CDK14: variants seen among roughly 807,000 people sequenced by gnomAD.
CDK14 encodes cyclin dependent kinase 14, also known as cyclin-dependent kinase 14.
CDK14 carries 34 observed loss-of-function variants against 60.7 expected under a neutral mutation model. The observed-to-expected ratio is 0.56, with a 90% CI of 0.43 to 0.75. The LOEUF (loss-of-function observed/expected upper bound fraction) is 0.75. Among genes scored for constraint, CDK14 ranks in the 30% least tolerant of loss-of-function variants. The pLI is 0.00. For missense variants in CDK14, 482 were observed against 564.1 expected, an observed-to-expected ratio of 0.85 and a Z score of 1.47; for synonymous variants, 197 against 203.7, an observed-to-expected ratio of 0.97 and a Z score of 0.28.
chr7:91,047,186 T>C (rs1325129378), intron 11 of CDK14, among the ~76,000 whole-genome samples: 3 of 152,202 alleles, frequency 2.0e-5, no homozygotes, highest in African/African-American at 7.2e-5. Flanking sequence ...TTGTGGGCTC[T>C]TAAAGAAGGT....
chr7:91,123,884 A>G (rs532796449), intron 14 of CDK14, among the ~76,000 whole-genome samples: 3 of 152,270 alleles, frequency 2.0e-5, no homozygotes, highest in Admixed American at 6.5e-5. Context: ...TTCAGAATGC[A>G]TTCTTAAAGC....
At chr7:91,043,760 A>C (rs1797157211) in intron 10 of CDK14, among the ~76,000 whole-genome samples, 1 of 152,108 alleles carries the variant, frequency 6.6e-6, no homozygotes, top group Non-Finnish European at 1.5e-5. Flanking sequence ...ACCAAGTATG[A>C]GTCTTAAAAG....
chr7:91,063,265 A>G (rs947697863), intron 11 of CDK14, among the ~76,000 whole-genome samples: 3 of 152,230 alleles, frequency 2.0e-5, no homozygotes, highest in African/African-American at 4.8e-5. Flanking sequence ...CTATGGAATA[A>G]TAACTCTTAT....
At chr7:90,976,950 G>T (rs1183128275) in intron 9 of CDK14, among the ~76,000 whole-genome samples, 1 of 152,054 alleles carries the variant, frequency 6.6e-6, no homozygotes, top group African/African-American at 2.4e-5. Flanking sequence ...CTTTTGGTTT[G>T]ATATAATCCC....
intron 2 of CDK14, among the ~76,000 whole-genome samples, chr7:90,666,824 T>C (rs2116519056): frequency 6.6e-6 from 1 of 152,356 alleles, no homozygotes; most frequent in Admixed American, 6.5e-5. Context: ...AAGCCATTGC[T>C]GTCCTGATTG....
At chr7:90,946,882 T>C (rs902884381) in intron 8 of CDK14, among the ~76,000 whole-genome samples, 2 of 152,134 alleles carry the variant, frequency 1.3e-5, no homozygotes, top group Non-Finnish European at 1.5e-5. Context: ...CAGTTTCCAT[T>C]TCCCGCTGTT....
Position 90,863,241 on chromosome 7 carries a change from A to T in CDK14, c.611A>T (p.Glu204Val). 6.2e-7 allele frequency: 1 copy of T among 1,603,948 alleles called. No homozygotes were observed. The highest frequency in any genetic ancestry group is 1.1e-5 in the South Asian group (1 of 90,514). The change falls in exon 6 of 15, where the codon GAG (glutamate) becomes GTG (valine). Residue 204 changes from glutamate to valine, a missense_variant. By Grantham distance (121) the Glu-to-Val change is moderately radical. Transcript: ENST00000380050. ...CTTCATGACATCATCCATACCAAGGAGACGCTGACACTTGTGTTTGAATAT... is the reference window on the plus strand; with the variant it reads ...CTTCATGACATCATCCATACCAAGGTGACGCTGACACTTGTGTTTGAATAT... ...VLLHDIIHTK[E>V]TLTLVFEYVH... is the part of the protein sequence containing the mutation.
intron 9 of CDK14, among the ~76,000 whole-genome samples, chr7:90,970,224 C>A (rs181403259): frequency 5.3e-5 from 8 of 152,238 alleles, no homozygotes; most frequent in African/African-American, 1.9e-4. Context: ...CCTCTGCTTC[C>A]CAAAGTGCCG....
chr7:90,698,088 A>G (rs1428895395), intron 2 of CDK14, among the ~76,000 whole-genome samples: 1 of 145,714 alleles, frequency 6.9e-6, no homozygotes, highest in Non-Finnish European at 1.5e-5. Context: ...AAAAAAAAAA[A>G]AGAAAAAGAA....
At chr7:90,847,900 A>T (rs149004453) in intron 5 of CDK14, among the ~76,000 whole-genome samples, 1,967 of 152,222 alleles carry the variant, frequency 0.013, 32 homozygotes, top group African/African-American at 0.044. Flanking sequence ...TTAGGTGTTT[A>T]CTAGTCTTCC....
At chr7:90,854,554 C>T (rs1440042272) in intron 5 of CDK14, among the ~76,000 whole-genome samples, 2 of 151,778 alleles carry the variant, frequency 1.3e-5, no homozygotes, top group Admixed American at 1.3e-4. Context: ...ATAAAATATA[C>T]GTAAATACAA....
chr7:90,938,821 C>A (rs1419628990), intron 8 of CDK14, among the ~76,000 whole-genome samples: 4 of 152,080 alleles, frequency 2.6e-5, no homozygotes, highest in African/African-American at 9.7e-5. Context: ...ACACTAATTC[C>A]CTTGAAATTT....
At chr7:90,781,933 G>GT (rs922502897) in intron 4 of CDK14, among the ~76,000 whole-genome samples, 39 of 152,012 alleles carry the variant, frequency 2.6e-4, no homozygotes, top group Non-Finnish European at 4.7e-4. Context: ...CTTTAAAGTA[G>GT]TTTTTTCCAA....
intron 2 of CDK14, among the ~76,000 whole-genome samples, chr7:90,615,309 G>T (rs1395152174): frequency 6.6e-6 from 1 of 152,164 alleles, no homozygotes; most frequent in Admixed American, 6.5e-5. Context: ...ATTTGGAATT[G>T]CTTAGAGAAC....
At chr7:91,020,769 C>G (rs758177958) in intron 10 of CDK14, among the ~76,000 whole-genome samples, 2 of 152,110 alleles carry the variant, frequency 1.3e-5, no homozygotes, top group Non-Finnish European at 1.5e-5. Context: ...AGCAACATAC[C>G]TTTATTTTGT....
intron 4 of CDK14, among the ~76,000 whole-genome samples, chr7:90,750,120 CAGAG>C (rs1803763616): frequency 6.7e-6 from 1 of 149,908 alleles, no homozygotes; most frequent in East Asian, 2.0e-4. Context: ...AGTTGCAACA[CAGAG>C]GGAGTGGGGA....
intron 4 of CDK14, among the ~76,000 whole-genome samples, chr7:90,783,926 T>A (rs1485354127): frequency 2.0e-5 from 3 of 152,088 alleles, no homozygotes; most frequent in African/African-American, 7.2e-5. Context: ...CCTGGGTGTA[T>A]CTATCCAAAG....
chr7:90,903,196 A>T (rs1257616099), intron 7 of CDK14, among the ~76,000 whole-genome samples: 1 of 152,172 alleles, frequency 6.6e-6, no homozygotes, highest in East Asian at 1.9e-4. Flanking sequence ...CTATAAATTG[A>T]ACTATCATAT....
intron 10 of CDK14, among the ~76,000 whole-genome samples, chr7:91,038,043 A>G (rs907890673): frequency 1.3e-5 from 2 of 152,192 alleles, no homozygotes; most frequent in Non-Finnish European, 2.9e-5. Context: ...CTCTGTGGAC[A>G]GGGCCTTGTC....
Sources: allele counts gnomAD v4.1 joint callset (sites outside exome capture counted in the v4.1 genomes callset), GRCh38; gene constraint gnomAD v4.1.1; transcripts MANE v1.5; gene names NCBI Gene and HGNC (gene_info 2026-07-23, HGNC 2026-07-21).